RNF38: variants seen among roughly 807,000 people sequenced by gnomAD.
The protein encoded by RNF38 is E3 ubiquitin-protein ligase RNF38.
In RNF38, 15 loss-of-function variants were observed where a neutral mutation model predicts 67.2. That is an observed-to-expected ratio of 0.22 (90% CI 0.15 to 0.34). The LOEUF (loss-of-function observed/expected upper bound fraction) is 0.34, where lower values mean the gene tolerates loss of function less well. Among genes scored for constraint, RNF38 ranks in the 10% least tolerant of loss-of-function variants. RNF38 has a pLI of 1.00. For missense variants in RNF38, 524 were observed against 639.9 expected (o/e 0.82, Z 1.95); for synonymous variants, 220 against 218.8 (o/e 1.01, Z -0.05).
intron 1 of RNF38, among the ~76,000 whole-genome samples, chr9:36,459,746 T>C (rs1839682501): frequency 6.6e-6 from 1 of 152,148 alleles, no homozygotes; most frequent in East Asian, 1.9e-4. Context: ...TTCAGAGACT[T>C]GCGGATTTTA....
chr9:36,407,215 A>G (rs1051042205), intron 2 of RNF38, among the ~76,000 whole-genome samples: 16 of 152,224 alleles, frequency 1.1e-4, no homozygotes, highest in Non-Finnish European at 1.6e-4. Flanking sequence ...TATAGCAGCT[A>G]GAGACCAGAA....
intron 4 of RNF38, among the ~76,000 whole-genome samples, chr9:36,362,928 G>A (rs1459589083): frequency 2.8e-5 from 2 of 71,446 alleles, no homozygotes; most frequent in African/African-American, 8.0e-5. Flanking sequence ...CACCACACCC[G>A]GCCCTAATCT....
intron 1 of RNF38, among the ~76,000 whole-genome samples, chr9:36,394,332 C>G (rs1314511450): frequency 2.0e-5 from 3 of 151,924 alleles, no homozygotes; most frequent in South Asian, 2.1e-4. Context: ...GGGGGCCCAG[C>G]AGCTAACCCC....
chr9:36,412,673 C>G (rs1378706628), intron 2 of RNF38, among the ~76,000 whole-genome samples: 1 of 152,232 alleles, frequency 6.6e-6, no homozygotes, highest in Admixed American at 6.5e-5. Flanking sequence ...GGTGCAGTGG[C>G]TCACGCCTGT....
chr9:36,480,244 G>A (rs929764542), intron 1 of RNF38, among the ~76,000 whole-genome samples: 8 of 152,100 alleles, frequency 5.3e-5, no homozygotes, highest in African/African-American at 1.9e-4. Flanking sequence ...CTCCCAAAGT[G>A]CTGAGATTAC....
intron 2 of RNF38, among the ~76,000 whole-genome samples, chr9:36,414,312 T>C (rs180900766): frequency 6.6e-6 from 1 of 152,200 alleles, no homozygotes; most frequent in Admixed American, 6.5e-5. Flanking sequence ...CTTGGTATTT[T>C]TTCCTTGTGT....
intron 1 of RNF38, among the ~76,000 whole-genome samples, chr9:36,473,129 T>C (rs1428477940): frequency 6.6e-6 from 1 of 150,836 alleles, no homozygotes; most frequent in Middle Eastern, 3.2e-3. Context: ...CGAAACTCCA[T>C]CTCCAAAAAA....
Position 36,400,241 on chromosome 9 carries a change from T to A in RNF38, c.-133A>T. 1 of 1,412,854 alleles carries A rather than the reference T, an allele frequency of 7.1e-7. No homozygotes were observed. The allele number at this position is 1,412,854 out of a possible 1,614,324, so 87.5% of individuals were successfully genotyped here. On this transcript the variant is annotated 5_prime_UTR_variant, in exon 1 of 12. Coordinates refer to ENST00000259605, the MANE Select transcript of RNF38 (RefSeq NM_022781.5). ...CATCCCCTGAGAACAAAACGCAGCC[T>A]ATCCAGAAACCCACGGAAGCAGAAG...
At chr9:36,351,062 A>C in intron 9 of RNF38, 53 bp downstream of exon 9, 2 of 1,287,760 alleles carry the variant, frequency 1.6e-6, no homozygotes, top group South Asian at 2.5e-5. Context: ...AAGTAGAATA[A>C]TACTTTCATG....
chr9:36,400,609 C>T, upstream of RNF38: 1 of 986,132 alleles, frequency 1.0e-6, no homozygotes, highest in Non-Finnish European at 1.2e-6. Flanking sequence ...CGCTGGGCCG[C>T]CGCCTCCTAT....
intron 1 of RNF38, among the ~76,000 whole-genome samples, chr9:36,393,516 T>TGG (rs1837287235): frequency 7.0e-6 from 1 of 143,878 alleles, no homozygotes; most frequent in African/African-American, 2.7e-5. Flanking sequence ...TGTGTGTGTG[T>TGG]GTGTGTGGGG....
At chr9:36,427,529 A>C (rs923465931) in intron 1 of RNF38, among the ~76,000 whole-genome samples, 2 of 152,162 alleles carry the variant, frequency 1.3e-5, no homozygotes, top group East Asian at 3.9e-4. Flanking sequence ...GTATCCTTAT[A>C]AATTCAATCC....
Position 36,389,344 on chromosome 9 carries a change from C to CAA in RNF38, c.162+1121_162+1122dup, listed in dbSNP as rs35595917. Among the ~76,000 whole-genome samples the CAA allele has an allele frequency of 2.2e-3, 297 of 132,902 alleles. 1 individual carries two copies. Among genetic ancestry groups the CAA allele is most frequent in the Non-Finnish European group, 3.0e-3 (189 of 62,340 alleles). 87.2% of individuals were successfully genotyped at this position (132,902 alleles called of 152,430 possible). A position where few individuals can be genotyped will look rare whatever the true frequency, so the allele number is the denominator to read the frequency against. On this transcript the variant is annotated intron_variant, in intron 2 of 11. Transcript: ENST00000259605. ...CAAAGGGAGTATGGAGAAAAGTATC[C>CAA]AAAAAAAAAAAAAAAACCCTTTTTA...
At chr9:36,402,569 A>G (rs566364698), upstream of RNF38, among the ~76,000 whole-genome samples, 1 of 152,092 alleles carries the variant, frequency 6.6e-6, no homozygotes, top group East Asian at 1.9e-4. Context: ...CTTGGATAGG[A>G]CTATGTGAAG....
chr9:36,474,870 G>A (rs911670955), intron 1 of RNF38, among the ~76,000 whole-genome samples: 1 of 147,856 alleles, frequency 6.8e-6, no homozygotes, highest in African/African-American at 2.5e-5. Flanking sequence ...GGCCGGGCGC[G>A]GTGCCTCACG....
chr9:36,448,857 TTAGC>T (rs1839370294), intron 1 of RNF38, among the ~76,000 whole-genome samples: 1 of 150,712 alleles, frequency 6.6e-6, no homozygotes, highest in Admixed American at 6.6e-5. Context: ...TACAAAAAAA[TTAGC>T]TGGGCGCCTG....
chr9:36,413,100 G>A (rs1439464385), intron 2 of RNF38, among the ~76,000 whole-genome samples: 1 of 151,748 alleles, frequency 6.6e-6, no homozygotes, highest in African/African-American at 2.4e-5. Flanking sequence ...GTGGTGGCAG[G>A]TGTCTGTAAT....
rs747568370 is a variant in RNF38 at position 36,375,926 on chromosome 9, C to G, written c.356+8G>C. The G allele has an allele frequency of 1.3e-6, 2 of 1,594,116 alleles. No homozygotes were observed. The highest frequency in any genetic ancestry group is 2.3e-5 in the South Asian group (2 of 86,318). On this transcript the variant is annotated splice_region_variant and intron_variant, in intron 3 of 11. Transcript: ENST00000259605. Reference sequence around the variant, plus strand: ...GAAAACTTAAGAAATAAATTGTAATCAACTAACCTTCTTCTGTTGCGTGCA... The same window carrying G: ...GAAAACTTAAGAAATAAATTGTAATGAACTAACCTTCTTCTGTTGCGTGCA...
chr9:36,364,824 G>A (rs1834822981), intron 4 of RNF38, among the ~76,000 whole-genome samples: 1 of 152,220 alleles, frequency 6.6e-6, no homozygotes, highest in African/African-American at 2.4e-5. Context: ...TGTACAGTCT[G>A]CGAATCTGCA....
Sources: gnomAD v4.1 joint callset for allele counts (sites outside exome capture counted in the v4.1 genomes callset) on GRCh38, gnomAD v4.1.1 for gene constraint, MANE v1.5 for transcripts, NCBI Gene and HGNC (gene_info 2026-07-23, HGNC 2026-07-21) for gene names.